Variants in RPS6KA3 observed in about 807,000 individuals in gnomAD.
RPS6KA3 encodes the protein ribosomal protein S6 kinase A3.
Under a neutral mutation model 67.2 loss-of-function variants are expected in RPS6KA3, and 4 were observed. The observed-to-expected ratio is 0.06, with a 90% CI of 0.03 to 0.14. RPS6KA3 has a LOEUF of 0.14. RPS6KA3 is among the 10% of genes least tolerant of loss of function. The probability of loss-of-function intolerance (pLI) is 1.00; values close to 1 mark genes in which losing one functional copy is unlikely to be tolerated. For synonymous variants in RPS6KA3, 182 were observed against 183.7 expected (o/e 0.99, Z 0.07); for missense variants, 204 against 559.0 (o/e 0.36, Z 6.40).
intron 1 of RPS6KA3, among the ~76,000 whole-genome samples, chrX:20,242,631 G>T (rs986801451): frequency 9.0e-6 from 1 of 111,433 alleles, no homozygotes; most frequent in African/African-American, 3.3e-5. Context: ...ATAATATGAC[G>T]GAAACCATTC....
intron 2 of RPS6KA3, among the ~76,000 whole-genome samples, chrX:20,223,921 T>TTC (rs938783379): frequency 2.7e-5 from 3 of 112,273 alleles, no homozygotes; most frequent in Non-Finnish European, 3.8e-5. Flanking sequence ...TTTTATAGGT[T>TTC]TACTTTGTAG....
chrX:20,211,159 G>A (rs1039375035), intron 2 of RPS6KA3, among the ~76,000 whole-genome samples: 2 of 111,246 alleles, frequency 1.8e-5, no homozygotes, highest in African/African-American at 3.3e-5. Context: ...ATCTGACCAC[G>A]TATTTAATGT....
intron 4 of RPS6KA3, among the ~76,000 whole-genome samples, chrX:20,198,049 C>A (rs1432097566): frequency 8.9e-6 from 1 of 111,991 alleles, no homozygotes; most frequent in East Asian, 2.8e-4. Context: ...ACAGAAGTCC[C>A]CATTAACTTT....
intron 1 of RPS6KA3, among the ~76,000 whole-genome samples, chrX:20,252,099 T>A (rs1404780149): frequency 8.9e-6 from 1 of 112,421 alleles, no homozygotes; most frequent in African/African-American, 3.2e-5. Context: ...ATCTAGCCCA[T>A]GTAGTAAGTT....
chrX:20,205,850 G>C (rs990800111), intron 3 of RPS6KA3, among the ~76,000 whole-genome samples: 2 of 112,397 alleles, frequency 1.8e-5, no homozygotes, highest in African/African-American at 6.5e-5. Flanking sequence ...TTCTTTGAAT[G>C]CATCTTCTTA....
intron 1 of RPS6KA3, among the ~76,000 whole-genome samples, chrX:20,251,382 T>A (rs1291282250): frequency 1.8e-5 from 2 of 112,939 alleles, no homozygotes; most frequent in Non-Finnish European, 3.7e-5. Context: ...GCTCAAGCAA[T>A]CCTCTTGCCT....
At chrX:20,167,481 T>C (rs1394623496) in intron 17 of RPS6KA3, 108 bp downstream of exon 17, 7 of 720,068 alleles carry the variant, frequency 9.7e-6, no homozygotes, top group East Asian at 6.4e-5. Context: ...ATTCAGCTAA[T>C]AGCAGTTATT....
intron 11 of RPS6KA3, 151 bp from the exon 12 acceptor site, chrX:20,176,649 T>C: frequency 2.1e-6 from 1 of 474,893 alleles, no homozygotes; most frequent in South Asian, 3.5e-5. Flanking sequence ...TGGAGCGCAG[T>C]GGTGTGATCT....
At chrX:20,225,846 T>C (rs960335206) in intron 2 of RPS6KA3, among the ~76,000 whole-genome samples, 1 of 111,921 alleles carries the variant, frequency 8.9e-6, no homozygotes, top group Non-Finnish European at 1.9e-5. Flanking sequence ...GCTGAACCTT[T>C]AGAAAGCCAG....
At chrX:20,266,534 C>A in intron 1 of RPS6KA3, 30 bp downstream of exon 1, 1 of 1,122,155 alleles carries the variant, frequency 8.9e-7, no homozygotes, top group Non-Finnish European at 1.2e-6. Flanking sequence ...GGAGGAGATG[C>A]GCCGGCCCCG....
chrX:20,266,618 C>T lies in RPS6KA3; in HGVS notation c.15G>A (p.Gln5=). Residue 5 remains glutamine, a synonymous_variant, in exon 1 of 22, where the codon CAG becomes CAA. Transcript: ENST00000379565. MPLA[Q]LADPWQKMAV... ...CCATCTTCTGCCACGGGTCCGCCAGCTGCGCCAGCGGCATCTTCCCCCCCG... is the reference window on the plus strand; with the variant it reads ...CCATCTTCTGCCACGGGTCCGCCAGTTGCGCCAGCGGCATCTTCCCCCCCG... 1.7e-6 allele frequency: 2 copies of T among 1,146,484 alleles called. No homozygotes were observed. Among genetic ancestry groups the T allele is most frequent in the South Asian group, 1.9e-5 (1 of 51,975 alleles). 94.5% of individuals were successfully genotyped at this position (1,146,484 alleles called of 1,213,427 possible). A position where few individuals can be genotyped will look rare whatever the true frequency, so the allele number is the denominator to read the frequency against.
chrX:20,183,931 GA>G (rs1395430295), intron 10 of RPS6KA3, among the ~76,000 whole-genome samples: 2 of 112,495 alleles, frequency 1.8e-5, no homozygotes, highest in African/African-American at 6.5e-5. Context: ...AAATGAGTAT[GA>G]AAAAAATTAG....
Position 20,176,277 on chromosome X carries a change from G to A in RPS6KA3, c.1075C>T (p.Pro359Ser). The A allele has an allele frequency of 3.4e-6, 4 of 1,191,314 alleles. No individual in the cohort carries two copies. Among genetic ancestry groups the A allele is most frequent in the Non-Finnish European group, 4.6e-6 (4 of 877,412 alleles). The change falls in exon 13 of 22, where the codon CCT (proline) becomes TCT (serine). Residue 359 changes from proline to serine, a missense_variant. By Grantham distance (74) the Pro-to-Ser change is moderately conservative (BLOSUM62 -1). Transcript: ENST00000379565. Reference protein sequence around the residue: ...GRPEDTFYFDPEFTAKTPKDS... With the variant: ...GRPEDTFYFDSEFTAKTPKDS... ...TTGGGAGTTTTTGCAGTAAACTCAG[G>A]ATCAAAATAGAATGTATCTTCAGGC...
intron 2 of RPS6KA3, among the ~76,000 whole-genome samples, chrX:20,213,942 C>A (rs59583831): frequency 9.3e-6 from 1 of 107,501 alleles, no homozygotes; most frequent in African/African-American, 3.4e-5. Flanking sequence ...TCTGAGGGGA[C>A]TTAAAAAAAA....
At chrX:20,216,678 ACCTGGGGGAAAAGCATT>A (rs2068861456) in intron 2 of RPS6KA3, among the ~76,000 whole-genome samples, 4 of 110,621 alleles carry the variant, frequency 3.6e-5, no homozygotes. Flanking sequence ...AAAGTCAAGC[ACCTGGGGGAAAAGCATT>A]CCTGGGAGAG....
intron 1 of RPS6KA3, among the ~76,000 whole-genome samples, chrX:20,259,322 C>A (rs953088495): frequency 1.8e-5 from 2 of 111,398 alleles, no homozygotes; most frequent in African/African-American, 6.5e-5. Flanking sequence ...ACATAAGTTA[C>A]AGAAACAGTC....
chrX:20,235,673 G>A (rs761510228), intron 1 of RPS6KA3, among the ~76,000 whole-genome samples: 3 of 111,245 alleles, frequency 2.7e-5, no homozygotes, highest in Non-Finnish European at 5.7e-5. Flanking sequence ...CAGTATTAAC[G>A]AGGGTACGGG....
intron 10 of RPS6KA3, among the ~76,000 whole-genome samples, chrX:20,181,640 G>A (rs2067845486): frequency 8.9e-6 from 1 of 111,780 alleles, no homozygotes; most frequent in Non-Finnish European, 1.9e-5. Context: ...TACATCTCAA[G>A]TATGAGTAGC....
chrX:20,210,379 G>A (rs996614979), intron 2 of RPS6KA3, among the ~76,000 whole-genome samples: 1 of 111,707 alleles, frequency 9.0e-6, no homozygotes, highest in African/African-American at 3.3e-5. Flanking sequence ...TTCTAGGTGC[G>A]TAAGTACTGT....
Sources: allele counts gnomAD v4.1 joint callset (sites outside exome capture counted in the v4.1 genomes callset), GRCh38; gene constraint gnomAD v4.1.1; transcripts MANE v1.5; gene names NCBI Gene and HGNC (gene_info 2026-07-23, HGNC 2026-07-21).